CENPW: variants seen among roughly 807,000 people sequenced by gnomAD.
The protein encoded by CENPW is cancer-up-regulated gene 2 protein.
In CENPW, 3 loss-of-function variants were observed where a neutral mutation model predicts 11.1. That is an observed-to-expected ratio of 0.27 (90% CI 0.12 to 0.70). The LOEUF (loss-of-function observed/expected upper bound fraction) is 0.70, where lower values mean the gene tolerates loss of function less well. CENPW is among the 30% of genes least tolerant of loss of function. The pLI is 0.77. For synonymous variants in CENPW, 38 were observed against 42.0 expected, an observed-to-expected ratio of 0.91 and a Z score of 0.37; for missense variants, 100 against 105.6, an observed-to-expected ratio of 0.95 and a Z score of 0.23.
the CENPW span, among the ~76,000 whole-genome samples, chr6:126,370,433 C>T: frequency 2.0e-5 from 3 of 152,092 alleles, no homozygotes; most frequent in African/African-American, 2.4e-5. Flanking sequence ...TTTGTGATTT[C>T]TTTCATCAGC....
the CENPW span, among the ~76,000 whole-genome samples, chr6:126,360,914 T>G: frequency 4.2e-4 from 49 of 117,386 alleles, no homozygotes; most frequent in Non-Finnish European, 7.3e-4. Flanking sequence ...GTGTGTGTCA[T>G]TTTGGTCATT....
At chr6:126,373,024 T>C in the CENPW span, among the ~76,000 whole-genome samples, 1 of 152,212 alleles carries the variant, frequency 6.6e-6, no homozygotes, top group Admixed American at 6.5e-5. Flanking sequence ...AATTATATTG[T>C]CTTTTTATAT....
chr6:126,415,646 G>A, the CENPW span, among the ~76,000 whole-genome samples: 2 of 152,192 alleles, frequency 1.3e-5, no homozygotes, highest in Non-Finnish European at 2.9e-5. Flanking sequence ...TGAATCTTGA[G>A]GGCAGGTCTT....
At chr6:126,358,051 T>C in the CENPW span, among the ~76,000 whole-genome samples, 1 of 152,256 alleles carries the variant, frequency 6.6e-6, no homozygotes, top group African/African-American at 2.4e-5. Flanking sequence ...TATTGAATTT[T>C]GTACATTGAT....
chr6:126,369,654 G>A, the CENPW span, among the ~76,000 whole-genome samples: 1 of 152,090 alleles, frequency 6.6e-6, no homozygotes, highest in South Asian at 2.1e-4. Flanking sequence ...ATGTTTTTGA[G>A]TTCTTTGTAG....
the CENPW span, among the ~76,000 whole-genome samples, chr6:126,416,923 G>A: frequency 1.3e-5 from 2 of 152,182 alleles, no homozygotes; most frequent in Non-Finnish European, 2.9e-5. Context: ...ACTACCTAGT[G>A]GAACTGTGAG....
chr6:126,386,866 A>G, the CENPW span, among the ~76,000 whole-genome samples: 1 of 152,106 alleles, frequency 6.6e-6, no homozygotes, highest in Non-Finnish European at 1.5e-5. Context: ...GTAGCATGGG[A>G]GTGCCAAGGT....
chr6:126,355,960 A>G, the CENPW span, among the ~76,000 whole-genome samples: 1 of 152,150 alleles, frequency 6.6e-6, no homozygotes. Flanking sequence ...GCCAGTAGTA[A>G]TACATCCATT....
chr6:126,472,039 C>G, the CENPW span, among the ~76,000 whole-genome samples: 1 of 151,960 alleles, frequency 6.6e-6, no homozygotes, highest in South Asian at 2.1e-4. Flanking sequence ...CAAATGTGCA[C>G]AAAGGGAGAT....
the CENPW span, among the ~76,000 whole-genome samples, chr6:126,468,420 C>CAAAAAAAAAAAAAAAAA: frequency 1.9e-5 from 1 of 53,534 alleles, no homozygotes; most frequent in Non-Finnish European, 3.2e-5. Flanking sequence ...AACTCTGTCT[C>CAAAAAAAAAAAAAAAAA]AAAAAAAAAA....
At chr6:126,455,937 C>T in the CENPW span, among the ~76,000 whole-genome samples, 1 of 151,058 alleles carries the variant, frequency 6.6e-6, no homozygotes, top group African/African-American at 2.4e-5. Context: ...AGTGTCCTAG[C>T]TGAGAGTCAA....
chr6:126,427,405 G>A, the CENPW span, among the ~76,000 whole-genome samples: 2 of 152,120 alleles, frequency 1.3e-5, no homozygotes, highest in Non-Finnish European at 1.5e-5. Context: ...CAATTGATAG[G>A]ATTTGAGCAC....
the CENPW span, among the ~76,000 whole-genome samples, chr6:126,437,512 A>G: frequency 6.6e-6 from 1 of 151,918 alleles, no homozygotes; most frequent in African/African-American, 2.4e-5. Context: ...CCTCAGTTTG[A>G]GCAAAAATAC....
the CENPW span, among the ~76,000 whole-genome samples, chr6:126,449,040 C>A: frequency 1.3e-5 from 2 of 151,058 alleles, no homozygotes; most frequent in African/African-American, 4.8e-5. Flanking sequence ...AATAATGGGT[C>A]AACTGATGCC....
the CENPW span, among the ~76,000 whole-genome samples, chr6:126,356,578 T>G: frequency 2.0e-5 from 3 of 152,198 alleles, no homozygotes; most frequent in Non-Finnish European, 2.9e-5. Context: ...CATTCCCTTT[T>G]CTTTGCAGCT....
chr6:126,464,010 G>GA, the CENPW span, among the ~76,000 whole-genome samples: 2 of 151,318 alleles, frequency 1.3e-5, no homozygotes, highest in East Asian at 1.9e-4. Context: ...TTTCTTGTAA[G>GA]AAAAAAAACT....
chr6:126,468,058 G>A, the CENPW span, among the ~76,000 whole-genome samples: 1 of 152,046 alleles, frequency 6.6e-6, no homozygotes, highest in Non-Finnish European at 1.5e-5. Flanking sequence ...TCAAAAACAA[G>A]GACACTCAAA....
rs563090455 is a variant in CENPW, at chr6:126,348,569, A to G, written c.*77A>G. On this transcript the variant is annotated 3_prime_UTR_variant, in exon 3 of 3. Coordinates refer to ENST00000368328, the MANE Select transcript of CENPW (RefSeq NM_001012507.4). ...CAGATCATAAAGACATTTTTTACAC[A>G]TCAGTTAATATGGGATTATTAAATA... 5 of 830,166 alleles carry G rather than the reference A, an allele frequency of 6.0e-6. No homozygotes were observed. Among genetic ancestry groups the G allele is most frequent in the African/African-American group, 3.4e-5 (2 of 58,278 alleles). 51.4% of individuals were successfully genotyped at this position (830,166 alleles called of 1,614,324 possible).
At chr6:126,410,265 G>A in the CENPW span, among the ~76,000 whole-genome samples, 2 of 152,092 alleles carry the variant, frequency 1.3e-5, no homozygotes, top group African/African-American at 4.8e-5. Context: ...GCTTTTCTAA[G>A]TATTATAATT....
Sources: allele counts gnomAD v4.1 joint callset (sites outside exome capture counted in the v4.1 genomes callset), GRCh38; gene constraint gnomAD v4.1.1; transcripts MANE v1.5; gene names NCBI Gene and HGNC (gene_info 2026-07-23, HGNC 2026-07-21).